The following NEXMIF variants were observed in gnomAD, a reference collection of about 807,000 sequenced individuals.
The protein encoded by NEXMIF is neurite extension and migration factor.
Under a neutral mutation model 62.1 loss-of-function variants are expected in NEXMIF, and 8 were observed. The ratio of observed to expected loss-of-function variants is 0.13; its 90% confidence interval spans 0.08 to 0.23. The LOEUF is 0.23. NEXMIF is among the 10% of genes least tolerant of loss of function. The pLI is 1.00. For synonymous variants in NEXMIF, 404 were observed against 416.6 expected, an observed-to-expected ratio of 0.97 and a Z score of 0.37; for missense variants, 976 against 1,113.3, an observed-to-expected ratio of 0.88 and a Z score of 1.75.
intron 1 of NEXMIF, among the ~76,000 whole-genome samples, chrX:74,808,842 C>G (rs1441620525): frequency 1.8e-5 from 2 of 112,166 alleles, no homozygotes; most frequent in African/African-American, 3.2e-5. Flanking sequence ...TGGAAAGGAG[C>G]TTTAACGGCT....
chrX:74,785,103 T>C (rs1483726221), intron 1 of NEXMIF, among the ~76,000 whole-genome samples: 2 of 111,281 alleles, frequency 1.8e-5, no homozygotes, highest in Non-Finnish European at 3.8e-5. Context: ...CGTTTTCCCA[T>C]TATTGATTCT....
At chrX:74,832,116 C>T (rs1055131680) in intron 1 of NEXMIF, among the ~76,000 whole-genome samples, 1 of 111,701 alleles carries the variant, frequency 9.0e-6, no homozygotes, top group African/African-American at 3.3e-5. Context: ...TAGAGTAATA[C>T]CGCCCTCACA....
At chrX:74,837,478 A>G (rs772923871) in intron 1 of NEXMIF, among the ~76,000 whole-genome samples, 2 of 111,930 alleles carry the variant, frequency 1.8e-5, no homozygotes, top group Non-Finnish European at 3.8e-5. Context: ...ATAAGTAAAT[A>G]TTACCTCCTA....
chrX:74,861,536 A>G (rs2080557612), intron 1 of NEXMIF, among the ~76,000 whole-genome samples: 1 of 111,601 alleles, frequency 9.0e-6, no homozygotes, highest in South Asian at 3.8e-4. Flanking sequence ...ACCCCAAGAC[A>G]CATAATCATC....
At chrX:74,837,727 C>G (rs1470864650) in intron 1 of NEXMIF, among the ~76,000 whole-genome samples, 1 of 111,581 alleles carries the variant, frequency 9.0e-6, no homozygotes, top group Non-Finnish European at 1.9e-5. Flanking sequence ...TAAAAGAAAA[C>G]AAGAACAGCA....
intron 1 of NEXMIF, among the ~76,000 whole-genome samples, chrX:74,790,296 C>T (rs1272396331): frequency 1.1e-4 from 12 of 111,082 alleles, no homozygotes; most frequent in South Asian, 3.8e-4. Context: ...AGATATGCGG[C>T]GTTATTTCTG....
chrX:74,754,196 A>T (rs1197437678), intron 1 of NEXMIF, among the ~76,000 whole-genome samples: 11 of 110,947 alleles, frequency 9.9e-5, no homozygotes. Flanking sequence ...TTCTGACCTC[A>T]GATGATCTGC....
intron 1 of NEXMIF, among the ~76,000 whole-genome samples, chrX:74,780,418 C>A (rs774120726): frequency 7.7e-4 from 84 of 108,532 alleles, no homozygotes; most frequent in South Asian, 1.3e-3. Flanking sequence ...GCTCTGTCAC[C>A]CAGGCTGGAG....
At chrX:74,756,122 C>A (rs2080158505) in intron 1 of NEXMIF, among the ~76,000 whole-genome samples, 1 of 110,572 alleles carries the variant, frequency 9.0e-6, no homozygotes, top group Non-Finnish European at 1.9e-5. Context: ...ATCCACCATA[C>A]CCGACTAATT....
chrX:74,754,311 T>A lies in NEXMIF; in HGVS notation c.-47-8614A>T, dbSNP rs1282577395. ...TTCTCTTTTTTTATTTTTATTTTTTTATTTTTTTTTTTTGTGAGACGGAGT... is the reference window on the plus strand; with the variant it reads ...TTCTCTTTTTTTATTTTTATTTTTTAATTTTTTTTTTTTGTGAGACGGAGT... On this transcript the variant is annotated intron_variant, in intron 1 of 3. Transcript: ENST00000055682. Among the ~76,000 whole-genome samples, 7 of 104,634 alleles carry A rather than the reference T, an allele frequency of 6.7e-5. No homozygotes were observed. The South Asian group carries it at 1.6e-3, about 24-fold the overall frequency. 90.9% of individuals were successfully genotyped at this position (104,634 alleles called of 115,157 possible).
rs374502082 is a variant in NEXMIF at position 74,803,827 on chromosome X, C to T, written c.-47-58130G>A. 6.4e-5 allele frequency among the ~76,000 whole-genome samples: 7 copies of T among 109,744 alleles called. No individual in the cohort carries two copies. The East Asian group carries it at 2.0e-3, about 32-fold the overall frequency. On this transcript the variant is annotated intron_variant, in intron 1 of 3. Coordinates refer to ENST00000055682, the MANE Select transcript of NEXMIF (RefSeq NM_001008537.3). ...ATCTGGTGAAAATATCCTTCAAGCA[C>T]GAAGGAGAAATAAAGACTTTCCAGA...
chrX:74,821,987 G>C (rs1278450487), intron 1 of NEXMIF, among the ~76,000 whole-genome samples: 1 of 111,606 alleles, frequency 9.0e-6, no homozygotes, highest in African/African-American at 3.3e-5. Context: ...TTTGGCTCAA[G>C]AGATCCTTCC....
chrX:74,783,212 A>AAATATGTAAG (rs1446340253), intron 1 of NEXMIF, among the ~76,000 whole-genome samples: 1 of 111,641 alleles, frequency 9.0e-6, no homozygotes, highest in East Asian at 2.8e-4. Context: ...GCATGAATGA[A>AAATATGTAAG]AATATGTAAG....
At chrX:74,895,201 T>C (rs2080729234) in intron 1 of NEXMIF, among the ~76,000 whole-genome samples, 1 of 111,795 alleles carries the variant, frequency 8.9e-6, no homozygotes, top group South Asian at 3.7e-4. Flanking sequence ...AATCAAAAAG[T>C]AGTCCCAATT....
At chrX:74,886,511 A>C (rs961557120) in intron 1 of NEXMIF, among the ~76,000 whole-genome samples, 2 of 111,894 alleles carry the variant, frequency 1.8e-5, no homozygotes, top group African/African-American at 6.5e-5. Context: ...AAAAACAGAC[A>C]AACAGAGAGC....
At chrX:74,752,571 G>T (rs1271418351) in intron 1 of NEXMIF, among the ~76,000 whole-genome samples, 2 of 111,342 alleles carry the variant, frequency 1.8e-5, no homozygotes, top group Non-Finnish European at 3.8e-5. Flanking sequence ...GAATCAATGA[G>T]AAAGCATGTA....
intron 1 of NEXMIF, among the ~76,000 whole-genome samples, chrX:74,790,003 G>T (rs1162712561): frequency 7.1e-5 from 7 of 98,431 alleles, no homozygotes; most frequent in Non-Finnish European, 1.2e-4. Flanking sequence ...GTCAATTTTG[G>T]CTTTTGTTGC....
chrX:74,844,042 C>T (rs971207565), intron 1 of NEXMIF, among the ~76,000 whole-genome samples: 2 of 111,866 alleles, frequency 1.8e-5, no homozygotes, highest in African/African-American at 6.5e-5. Flanking sequence ...ACTTAGGAAG[C>T]TTAGTTTAGC....
intron 1 of NEXMIF, among the ~76,000 whole-genome samples, chrX:74,824,012 C>A (rs2080406323): frequency 9.0e-6 from 1 of 110,967 alleles, no homozygotes; most frequent in Non-Finnish European, 1.9e-5. Flanking sequence ...TCTTCTCGAC[C>A]AAAGTTTAAT....
Sources: gnomAD v4.1 joint callset for allele counts (sites outside exome capture counted in the v4.1 genomes callset) on GRCh38, gnomAD v4.1.1 for gene constraint, MANE v1.5 for transcripts, NCBI Gene and HGNC (gene_info 2026-07-23, HGNC 2026-07-21) for gene names.